The following ABR variants were observed in gnomAD, a reference collection of about 807,000 sequenced individuals.
ABR encodes ABR activator of RhoGEF and GTPase.
ABR carries 35 observed loss-of-function variants against 107.2 expected under a neutral mutation model. The ratio of observed to expected loss-of-function variants is 0.33; its 90% CI spans 0.25 to 0.43. The LOEUF (loss-of-function observed/expected upper bound fraction) is 0.43, where lower values mean the gene tolerates loss of function less well. Ranked by LOEUF, ABR falls within the 20% of genes least tolerant of loss-of-function variation. ABR has a pLI of 1.00. For synonymous variants in ABR, 498 were observed against 462.0 expected (o/e 1.08, Z -1.00); for missense variants, 815 against 1,115.2 (o/e 0.73, Z 3.83).
chr17:1,226,635 T>C (rs1286714389), intron 1 of ABR, among the ~76,000 whole-genome samples: 1 of 151,500 alleles, frequency 6.6e-6, no homozygotes, highest in Non-Finnish European at 1.5e-5. Flanking sequence ...TGTATGTACA[T>C]GTGAAGGTGT....
At chr17:1,216,986 G>T (rs1321383387) in intron 1 of ABR, among the ~76,000 whole-genome samples, 1 of 152,186 alleles carries the variant, frequency 6.6e-6, no homozygotes, top group Non-Finnish European at 1.5e-5. Context: ...TGTGCTCAGA[G>T]AGCCAGCGGA....
At chr17:1,057,281 A>G (rs1192071329) in intron 12 of ABR, among the ~76,000 whole-genome samples, 179 bp from the exon 13 acceptor site, 2 of 144,962 alleles carry the variant, frequency 1.4e-5, no homozygotes, top group African/African-American at 2.6e-5. Flanking sequence ...GAGAGGGGTC[A>G]GAGTAGGAGA....
chr17:1,067,769 A>C (rs1171337566), intron 9 of ABR, among the ~76,000 whole-genome samples: 1 of 152,192 alleles, frequency 6.6e-6, no homozygotes, highest in Admixed American at 6.5e-5. Context: ...GATGTCTGCC[A>C]TGGCAAAGGA....
chr17:1,151,943 A>G (rs2040811148), intron 1 of ABR, among the ~76,000 whole-genome samples: 1 of 151,908 alleles, frequency 6.6e-6, no homozygotes, highest in Non-Finnish European at 1.5e-5. Flanking sequence ...TCACGAGGTC[A>G]GGAGATCGAG....
chr17:1,027,837 T>G lies in ABR; in HGVS notation c.1792-14673A>C, dbSNP rs567428605. 4.6e-5 allele frequency among the ~76,000 whole-genome samples: 7 copies of G among 151,794 alleles called. No homozygotes were observed. Among genetic ancestry groups the G allele is most frequent in the Non-Finnish European group, 7.4e-5 (5 of 67,900 alleles). The stretch of plus-strand genomic sequence containing the variant: ...GGTGGGCAGCCGGGCCAGGCCAGAC[T>G]TCTATTGCAGAAGGCTGCGAGATCT... On this transcript the variant is annotated intron_variant, in intron 16 of 22. Coordinates refer to ENST00000302538, the MANE Select transcript of ABR (RefSeq NM_021962.5). This position sits in a 1 kb window ranked among gnomAD's most constrained non-coding sequence, Gnocchi z 4.7.
At chr17:1,139,733 T>C (rs1019022596) in intron 1 of ABR, among the ~76,000 whole-genome samples, 2 of 152,192 alleles carry the variant, frequency 1.3e-5, no homozygotes, top group African/African-American at 4.8e-5. Context: ...GGAAACCAGA[T>C]GGACACAGGT....
chr17:1,201,782 T>C (rs888790884), intron 1 of ABR, among the ~76,000 whole-genome samples: 5 of 152,038 alleles, frequency 3.3e-5, no homozygotes, highest in African/African-American at 1.2e-4. Flanking sequence ...GTTCACGCCA[T>C]TCTCCTGCCT....
In ABR at chr17:1,037,034, TCCAC is replaced by T. The variant is rs1490328082; in HGVS notation, c.1791+13012_1791+13015del. Among the ~76,000 whole-genome samples, 3 of 134,402 alleles carry T rather than the reference TCCAC, an allele frequency of 2.2e-5. No individual in the cohort carries two copies. Among genetic ancestry groups the T allele is most frequent in the African/African-American group, 8.6e-5 (3 of 35,068 alleles). The allele number at this position is 134,402 out of a possible 152,430, so 88.2% of individuals were successfully genotyped here. A position where few individuals can be genotyped will look rare whatever the true frequency, so the allele number is the denominator to read the frequency against. ...TTCCATCCTTCCTTCCTTCCATCCA[TCCAC>T]CCATCCATCCATCCATCCACCCATC... is the stretch of plus-strand genomic sequence containing the variant. On this transcript the variant is annotated intron_variant, in intron 16 of 22. Transcript: ENST00000302538. The surrounding 1 kb of genome is among the most constrained non-coding windows in gnomAD (Gnocchi z 4.6).
At position 1,050,143 on chromosome 17, in the gene ABR, C is replaced by T. The variant is rs1041274848; in HGVS notation, c.1698G>A (p.Arg566=). 5.0e-6 allele frequency: 8 copies of T among 1,613,904 alleles called. No individual in the cohort carries two copies. In the African/African-American group the frequency reaches 1.1e-4, roughly 22 times the overall value. Residue 566 remains arginine (R), a synonymous_variant, in exon 16 of 23, where the codon AGG becomes AGA. Transcript: ENST00000302538. The surrounding 1 kb of genome is among the most constrained non-coding windows in gnomAD (Gnocchi z 4.6). ...EIELEGSQSL[R]ILCYEKCYDK... ...CATAGCACTTCTCATAGCACAGGAT[C>T]CTCAGGGACTGGGAGCCCTCCAGCT...
intron 16 of ABR, among the ~76,000 whole-genome samples, chr17:1,029,854 C>T (rs1277977099): frequency 4.0e-5 from 6 of 150,932 alleles, no homozygotes; most frequent in African/African-American, 7.3e-5. Flanking sequence ...GACGTCCCTC[C>T]GTCCACCACA....
At chr17:1,079,277 T>C in intron 6 of ABR, 53 bp downstream of exon 6, 1 of 1,593,484 alleles carries the variant, frequency 6.3e-7, no homozygotes, top group Non-Finnish European at 8.6e-7. Context: ...GCCTGTTGCC[T>C]GCACAGCCAG....
chr17:1,225,612 A>G (rs1394942005), intron 1 of ABR, among the ~76,000 whole-genome samples: 8 of 152,180 alleles, frequency 5.3e-5, no homozygotes, highest in Non-Finnish European at 8.8e-5. Flanking sequence ...AGATGACGCC[A>G]CTGCACTCCA....
rs772354033 is a variant in ABR, at chr17:1,010,850, G to A, written c.2115C>T (p.Ile705=). 18 of 1,613,722 alleles carry A rather than the reference G, an allele frequency of 1.1e-5. No individual in the cohort carries two copies. The South Asian group carries it at 1.9e-4, about 17-fold the overall frequency. Reference sequence around the variant, plus strand: ...TGTCCATGTCACTCAGCATCAGCAGGATGTCCTTGTTATCTGCAGGGGTGG... The same window carrying A: ...TGTCCATGTCACTCAGCATCAGCAGAATGTCCTTGTTATCTGCAGGGGTGG... ...KAVFDANNKD[I]LLMLSDMDIN... The change falls in exon 20 of 23, where the codon ATC becomes ATT. Residue 705 remains isoleucine, a synonymous_variant. Transcript: ENST00000302538. The surrounding 1 kb of genome is among the most constrained non-coding windows in gnomAD (Gnocchi z 4.1).
chr17:1,215,890 T>C (rs1395156772), intron 1 of ABR, among the ~76,000 whole-genome samples: 2 of 123,250 alleles, frequency 1.6e-5, no homozygotes, highest in African/African-American at 5.9e-5. Flanking sequence ...ACCCCCGTGC[T>C]CTCTGAAACA....
upstream of ABR, among the ~76,000 whole-genome samples, chr17:1,188,897 AC>A (rs1053776063): frequency 6.6e-6 from 1 of 152,110 alleles, no homozygotes; most frequent in African/African-American, 2.4e-5. Flanking sequence ...AGGCACACAC[AC>A]CCCTGAAATC....
At chr17:1,029,270 C>T (rs369199196) in intron 16 of ABR, among the ~76,000 whole-genome samples, 157 of 152,186 alleles carry the variant, frequency 1.0e-3, no homozygotes, top group Non-Finnish European at 1.6e-3. Flanking sequence ...GCTTTGGCCC[C>T]TGAACTCTCC....
At chr17:1,146,675 C>T (rs1392699368) in intron 1 of ABR, among the ~76,000 whole-genome samples, 7 of 149,366 alleles carry the variant, frequency 4.7e-5, no homozygotes, top group African/African-American at 1.7e-4. Context: ...ACCAGGCCAC[C>T]ACTGCCACAC....
At position 1,205,208 on chromosome 17, in the gene ABR, C is replaced by T. The variant is rs190781286; in HGVS notation, c.838+23585G>A. 2.7e-3 allele frequency among the ~76,000 whole-genome samples: 414 copies of T among 152,222 alleles called. 2 individuals carry two copies. Among genetic ancestry groups the T allele is most frequent in the African/African-American group, 9.5e-3 (396 of 41,536 alleles). ...TGAGCCACCATACCCGGTTTTATCC[C>T]CATTATTAAGAGACTGTAATGAGCT... On this transcript the variant is annotated intron_variant, in intron 1 of 22. Coordinates refer to the ABR transcript ENST00000574139.
At chr17:1,023,103 C>T (rs1204381473) in intron 16 of ABR, among the ~76,000 whole-genome samples, 4 of 150,024 alleles carry the variant, frequency 2.7e-5, no homozygotes, top group South Asian at 4.2e-4. Flanking sequence ...GAGCCTCTGC[C>T]GGCCCCACGT....
Sources: allele counts gnomAD v4.1 joint callset (sites outside exome capture counted in the v4.1 genomes callset), GRCh38; gene constraint gnomAD v4.1.1; non-coding constraint Gnocchi (gnomAD v3.1); transcripts MANE v1.5; gene names NCBI Gene and HGNC (gene_info 2026-07-23, HGNC 2026-07-21).